ELMO2: variants seen among roughly 807,000 people sequenced by gnomAD.
ELMO2 encodes engulfment and cell motility protein 2.
Under a neutral mutation model 96.2 loss-of-function variants are expected in ELMO2, and 37 were observed. That is an observed-to-expected ratio of 0.38 (90% CI 0.30 to 0.51). The LOEUF (loss-of-function observed/expected upper bound fraction) is 0.51. ELMO2 is among the 20% of genes least tolerant of loss of function. ELMO2 has a pLI of 0.88. For missense variants in ELMO2, 561 were observed against 912.6 expected, an observed-to-expected ratio of 0.61 and a Z score of 4.96; for synonymous variants, 315 against 329.4, an observed-to-expected ratio of 0.96 and a Z score of 0.47.
intron 10 of ELMO2, among the ~76,000 whole-genome samples, chr20:46,381,696 G>C (rs2059959264): frequency 1.3e-5 from 2 of 152,142 alleles, no homozygotes; most frequent in Admixed American, 1.3e-4. Flanking sequence ...GGTGTCAGGG[G>C]GAGGCACTTA....
chr20:46,372,000 C>G lies in ELMO2; in HGVS notation c.1417-31G>C. On this transcript the variant is annotated intron_variant, in intron 16 of 21. Coordinates refer to ENST00000290246, the MANE Select transcript of ELMO2 (RefSeq NM_133171.5). The surrounding 1 kb of genome is among the most constrained non-coding windows in gnomAD (Gnocchi z 5.9). ...AGGAGAAGAACCCAGCCAACTCACA[C>G]CACTACTCTTGAGAAATGGACAGGC... is the stretch of plus-strand genomic sequence containing the variant. 6.2e-7 allele frequency: 1 copy of G among 1,612,328 alleles called. No homozygotes were observed. Among genetic ancestry groups the G allele is most frequent in the Non-Finnish European group, 8.5e-7 (1 of 1,179,532 alleles).
At chr20:46,370,220 T>C in intron 20 of ELMO2, 1 of 667,844 alleles carries the variant, frequency 1.5e-6, no homozygotes, top group African/African-American at 1.8e-5. Flanking sequence ...TTCAAAGCGA[T>C]AAAGGAGAGA....
intron 6 of ELMO2, among the ~76,000 whole-genome samples, chr20:46,390,194 T>TA (rs2060127661): frequency 6.6e-6 from 1 of 152,000 alleles, no homozygotes; most frequent in South Asian, 2.1e-4. Flanking sequence ...ATAAAACTGT[T>TA]AGACAGCAGA....
Position 46,367,015 on chromosome 20 carries a change from A to G in ELMO2, c.*345T>C, listed in dbSNP as rs2059597363. On this transcript the variant is annotated 3_prime_UTR_variant, in exon 22 of 22. Transcript: ENST00000290246. ...CTCACGTGGGGATCCAGCTGATCAG[A>G]GAGCAGGCTCAGGAGGAAAAGGTGA... 1 of 189,374 alleles carries G rather than the reference A, an allele frequency of 5.3e-6. No homozygotes were observed. Among genetic ancestry groups the G allele is most frequent in the Non-Finnish European group, 1.1e-5 (1 of 93,166 alleles). The allele number at this position is 189,374 out of a possible 1,614,324, so 11.7% of individuals were successfully genotyped here.
At chr20:46,380,113 G>T in intron 11 of ELMO2, 140 bp downstream of exon 11, 1 of 702,180 alleles carries the variant, frequency 1.4e-6, no homozygotes, top group Non-Finnish European at 2.3e-6. Context: ...AAGCTATTCA[G>T]TTCAAGAGGT....
rs2059776410 is a variant in ELMO2, at chr20:46,373,520, T to C, written c.1295A>G (p.Asn432Ser). The C allele has an allele frequency of 6.2e-6, 10 of 1,614,158 alleles. No homozygotes were observed. The highest frequency in any genetic ancestry group is 1.7e-5 in the Admixed American group (1 of 60,014). ...QVGELPNEGR[N>S]DYHPMFFTHD... ...GGTAAAGAACATCGGGTGGTAGTCA[T>C]TGCGTCCTTCATTTGCTGTGGAAGT... is the stretch of plus-strand genomic sequence containing the variant. The change falls in exon 16 of 22, where the codon AAT becomes AGT. Residue 432 changes from asparagine (N) to serine (S), a missense_variant. Coordinates refer to ENST00000290246, the MANE Select transcript of ELMO2 (RefSeq NM_133171.5).
chr20:46,393,664 G>A (rs1475312597), intron 4 of ELMO2, 63 bp from the exon 5 acceptor site: 1 of 1,562,294 alleles, frequency 6.4e-7, no homozygotes, highest in East Asian at 2.2e-5. Context: ...CTGCTCATAA[G>A]TAATTTTCAA....
intron 2 of ELMO2, among the ~76,000 whole-genome samples, chr20:46,395,967 C>A (rs1568785310): frequency 1.3e-5 from 2 of 152,342 alleles, no homozygotes; most frequent in East Asian, 3.9e-4. Context: ...TAACGGTTGA[C>A]AGAACTTGGA....
chr20:46,372,228 G>C (rs1458260616), intron 16 of ELMO2, among the ~76,000 whole-genome samples: 1 of 152,228 alleles, frequency 6.6e-6, no homozygotes, highest in Non-Finnish European at 1.5e-5. Flanking sequence ...TAGTCAGAAA[G>C]AAATGGGTTC....
At chr20:46,374,261 T>G in intron 15 of ELMO2, 71 bp downstream of exon 15, 2 of 1,301,570 alleles carry the variant, frequency 1.5e-6, no homozygotes, top group East Asian at 4.6e-5. Context: ...TGTAACTGTT[T>G]ATAATTTTGA....
At chr20:46,400,490 A>G (rs2060317249) in intron 1 of ELMO2, among the ~76,000 whole-genome samples, 1 of 152,278 alleles carries the variant, frequency 6.6e-6, no homozygotes, top group Non-Finnish European at 1.5e-5. Context: ...TCCGCCACTC[A>G]GCAGTACTGT....
rs1478980833 is a variant in ELMO2 at position 46,375,555 on chromosome 20, G to A, written c.930+113C>T. 7.8e-6 allele frequency: 12 copies of A among 1,532,474 alleles called. No individual in the cohort carries two copies. Among genetic ancestry groups the A allele is most frequent in the African/African-American group, 1.4e-5 (1 of 73,084 alleles). The allele number at this position is 1,532,474 out of a possible 1,614,324, so 94.9% of individuals were successfully genotyped here. The stretch of plus-strand genomic sequence containing the variant: ...GGTGCAGATCATGCTAGATTTTCTA[G>A]GGCAGATGCAAACTACTTCTGCAGA... On this transcript the variant is annotated intron_variant, in intron 12 of 21. Coordinates refer to ENST00000290246, the MANE Select transcript of ELMO2 (RefSeq NM_133171.5). The surrounding 1 kb of genome is among the most constrained non-coding windows in gnomAD (Gnocchi z 4.6).
In ELMO2 at chr20:46,375,382, AACAG is replaced by A. The variant is rs779586689; in HGVS notation, c.931-16_931-13del. 17 of 1,612,982 alleles carry A rather than the reference AACAG, an allele frequency of 1.1e-5. No individual in the cohort carries two copies. The highest frequency in any genetic ancestry group is 2.2e-5 in the East Asian group (1 of 44,850). ...ATGTCCCTTTGAGCCTGCGAGGTGA[AACAG>A]ACAGTCAGCAGGTGAATCGGCTAAC... On this transcript the variant is annotated splice_polypyrimidine_tract_variant and intron_variant, in intron 12 of 21. Transcript: ENST00000290246. This position sits in a 1 kb window ranked among gnomAD's most constrained non-coding sequence, Gnocchi z 4.6.
chr20:46,399,995 G>C (rs1377462163), intron 1 of ELMO2, among the ~76,000 whole-genome samples: 1 of 152,114 alleles, frequency 6.6e-6, no homozygotes, highest in Non-Finnish European at 1.5e-5. Context: ...AAATTAGCTG[G>C]GCATGGTGGC....
At chr20:46,401,995 C>T (rs2060345012) in intron 1 of ELMO2, among the ~76,000 whole-genome samples, 1 of 152,120 alleles carries the variant, frequency 6.6e-6, no homozygotes, top group Admixed American at 6.5e-5. Context: ...CCCTGGGAGC[C>T]CAGACCCACC....
intron 11 of ELMO2, among the ~76,000 whole-genome samples, chr20:46,378,353 T>C (rs1340157255): frequency 1.3e-5 from 2 of 152,202 alleles, no homozygotes; most frequent in South Asian, 2.1e-4. Context: ...CTGCCTTCTA[T>C]AGTGAAATCT....
chr20:46,390,304 T>C (rs984537600), intron 6 of ELMO2, among the ~76,000 whole-genome samples: 4 of 152,192 alleles, frequency 2.6e-5, no homozygotes, highest in African/African-American at 7.2e-5. Context: ...GATTCTTGCA[T>C]TGGGTGAAGA....
Position 46,371,688 on chromosome 20 carries a change from C to T in ELMO2, c.1584G>A (p.Glu528=). Residue 528 remains glutamate (E), a synonymous_variant, in exon 18 of 22, where the codon GAG becomes GAA. Transcript: ENST00000290246. This position sits in a 1 kb window ranked among gnomAD's most constrained non-coding sequence, Gnocchi z 5.9. ...TCTCGGGCTGGATCTTCTCCCTCAG[C>T]TCCCTGGGGTGGACACACACTGGAG... The part of the protein sequence containing the change: ...QDDFQSPPIV[E]LREKIQPEIL... The T allele has an allele frequency of 6.2e-7, 1 of 1,613,804 alleles. No individual in the cohort carries two copies. The highest frequency in any genetic ancestry group is 8.5e-7 in the Non-Finnish European group (1 of 1,180,024).
At position 46,375,676 on chromosome 20, in the gene ELMO2, T is replaced by C. The variant is rs1316972840; in HGVS notation, c.922A>G (p.Asn308Asp). Residue 308 changes from asparagine to aspartate, a missense_variant, in exon 12 of 22, where the codon AAT becomes GAT. Physicochemically the swap from Asn to Asp is conservative, Grantham distance 23 (BLOSUM62 1). Transcript: ENST00000290246. This position sits in a 1 kb window ranked among gnomAD's most constrained non-coding sequence, Gnocchi z 4.6. ...EERMMTKMDP[N>D]DQAQRDIIFE... is the part of the protein sequence containing the mutation. ...CCCCACTTAGCACCTACCTGGTCAT[T>C]GGGGTCCATCTTGGTCATCATCCTT... 1 of 1,614,076 alleles carries C rather than the reference T, an allele frequency of 6.2e-7. No individual in the cohort carries two copies. The highest frequency in any genetic ancestry group is 1.1e-5 in the South Asian group (1 of 91,084).
Sources: gnomAD v4.1 joint callset for allele counts (sites outside exome capture counted in the v4.1 genomes callset) on GRCh38, gnomAD v4.1.1 for gene constraint, Gnocchi (gnomAD v3.1) non-coding constraint, MANE v1.5 for transcripts, NCBI Gene and HGNC (gene_info 2026-07-23, HGNC 2026-07-21) for gene names.